Variants in MID2 observed in about 807,000 individuals in gnomAD.
MID2 encodes midline 2, also known as probable E3 ubiquitin-protein ligase MID2.
MID2 carries 13 observed loss-of-function variants against 46.1 expected under a neutral mutation model. The observed-to-expected ratio is 0.28, with a 90% CI of 0.18 to 0.45. The LOEUF (loss-of-function observed/expected upper bound fraction) is 0.45, where lower values mean the gene tolerates loss of function less well. Among genes scored for constraint, MID2 ranks in the 20% least tolerant of loss-of-function variants. The probability of loss-of-function intolerance (pLI) is 1.00; values close to 1 mark genes in which losing one functional copy is unlikely to be tolerated. For missense variants in MID2, 431 were observed against 575.4 expected (o/e 0.75, Z 2.57); for synonymous variants, 199 against 212.3 (o/e 0.94, Z 0.55).
At chrX:107,903,000 T>G (rs1237215154) in intron 3 of MID2, among the ~76,000 whole-genome samples, 3 of 111,833 alleles carry the variant, frequency 2.7e-5, no homozygotes, top group African/African-American at 6.5e-5. Context: ...TTTTACCACT[T>G]ACTAGTTGTG....
intron 2 of MID2, among the ~76,000 whole-genome samples, chrX:107,850,189 GACACACAC>G (rs201492124): frequency 9.8e-6 from 1 of 102,139 alleles, no homozygotes. Context: ...CACACACACA[GACACACAC>G]ACACACACAC....
chrX:107,909,150 G>A (rs1932862587), intron 5 of MID2, among the ~76,000 whole-genome samples: 1 of 111,785 alleles, frequency 8.9e-6, no homozygotes, highest in South Asian at 3.7e-4. Context: ...ACACAGTTAA[G>A]TTACTTGAAA....
At position 107,924,490 on chromosome X, in the gene MID2, G is replaced by C; in HGVS notation, c.1583G>C (p.Arg528Pro). ...GGCAGCCGGAACAGTGAACCTACCC[G>C]ACTAAAAACAAACAGTACGTTGTGG... ...QAGSRNSEPTRLKTNSQPFKL... is the reference protein window; with the variant it reads ...QAGSRNSEPTPLKTNSQPFKL... The change falls in exon 8 of 10, where the codon CGA becomes CCA. Residue 528 changes from arginine (R) to proline (P), a missense_variant. Coordinates refer to ENST00000262843, the MANE Select transcript of MID2 (RefSeq NM_012216.4). 8.3e-7 allele frequency: 1 copy of C among 1,211,100 alleles called. No individual in the cohort carries two copies. The highest frequency in any genetic ancestry group is 1.1e-6 in the Non-Finnish European group (1 of 895,048).
chrX:107,909,168 G>A (rs1010149402), intron 5 of MID2, among the ~76,000 whole-genome samples: 13 of 111,606 alleles, frequency 1.2e-4, no homozygotes, highest in African/African-American at 4.2e-4. Flanking sequence ...AAAACAGCTT[G>A]ATCCTTTCAA....
At chrX:107,873,590 C>T (rs1932124933) in intron 3 of MID2, among the ~76,000 whole-genome samples, 1 of 111,912 alleles carries the variant, frequency 8.9e-6, no homozygotes, top group African/African-American at 3.2e-5. Flanking sequence ...AGAGATTGCC[C>T]ATTCTATTTC....
At chrX:107,872,653 C>T (rs1364996599) in intron 3 of MID2, among the ~76,000 whole-genome samples, 1 of 111,671 alleles carries the variant, frequency 9.0e-6, no homozygotes, top group Non-Finnish European at 1.9e-5. Context: ...AGTATAATCC[C>T]TCCCAATCTG....
intron 3 of MID2, among the ~76,000 whole-genome samples, chrX:107,899,171 C>T (rs1264896831): frequency 2.7e-4 from 21 of 78,953 alleles, no homozygotes; most frequent in African/African-American, 6.9e-4. Flanking sequence ...ATCTCCCCTG[C>T]CCCCTCCCCC....
chrX:107,853,613 G>A (rs1343644880), intron 2 of MID2, among the ~76,000 whole-genome samples: 1 of 111,392 alleles, frequency 9.0e-6, no homozygotes, highest in African/African-American at 3.3e-5. Flanking sequence ...GTCCTCTCTT[G>A]ATACAGTCAG....
At chrX:107,836,407 C>G (rs573096221) in intron 1 of MID2, among the ~76,000 whole-genome samples, 3 of 111,317 alleles carry the variant, frequency 2.7e-5, no homozygotes, top group South Asian at 3.8e-4. Context: ...GCATGCGCCA[C>G]TACGCCTGCT....
At chrX:107,923,811 C>A (rs1933117345) in intron 7 of MID2, among the ~76,000 whole-genome samples, 1 of 111,960 alleles carries the variant, frequency 8.9e-6, no homozygotes, top group African/African-American at 3.2e-5. Flanking sequence ...GGGTTCTATT[C>A]TCAGCACCAT....
intron 3 of MID2, among the ~76,000 whole-genome samples, chrX:107,893,061 T>C (rs1355304691): frequency 5.3e-5 from 6 of 112,863 alleles, no homozygotes; most frequent in Non-Finnish European, 1.1e-4. Flanking sequence ...CTGTAATGTA[T>C]CCACATAAAT....
chrX:107,863,271 A>G (rs1263366482), intron 3 of MID2, among the ~76,000 whole-genome samples: 1 of 112,359 alleles, frequency 8.9e-6, no homozygotes, highest in African/African-American at 3.2e-5. Context: ...GTATTAACAC[A>G]TGACAGGGTT....
At chrX:107,845,525 A>ACTCTCTCTCTCTCTCTCTCTCTCT (rs766707051) in intron 2 of MID2, among the ~76,000 whole-genome samples, 3 of 72,944 alleles carry the variant, frequency 4.1e-5, no homozygotes, top group African/African-American at 2.3e-4. Flanking sequence ...ACACACACAC[A>ACTCTCTCTCTCTCTCTCTCTCTCT]CTCTCTCTCT....
intron 3 of MID2, among the ~76,000 whole-genome samples, chrX:107,897,353 G>C (rs988274684): frequency 1.8e-5 from 2 of 111,507 alleles, no homozygotes; most frequent in African/African-American, 6.5e-5. Context: ...CTATGTCTCA[G>C]TATTTTTTTT....
chrX:107,831,152 C>G (rs760640046), intron 1 of MID2, among the ~76,000 whole-genome samples: 53 of 111,513 alleles, frequency 4.8e-4, no homozygotes, highest in African/African-American at 1.6e-3. Context: ...CTCTAGGATG[C>G]TGGTTCAGCC....
intron 3 of MID2, among the ~76,000 whole-genome samples, chrX:107,869,120 TTAATG>T (rs1376080008): frequency 9.0e-6 from 1 of 111,380 alleles, no homozygotes; most frequent in African/African-American, 3.3e-5. Context: ...TTTTAAGTCT[TTAATG>T]TACCTGGAAT....
intron 3 of MID2, among the ~76,000 whole-genome samples, chrX:107,857,469 C>T (rs771881487): frequency 6.3e-5 from 7 of 111,579 alleles, no homozygotes; most frequent in Admixed American, 9.5e-5. Context: ...TTAGTAGAGA[C>T]GCGGTTTCAC....
In MID2 at chrX:107,926,152, T is replaced by C. The variant is rs150716868; in HGVS notation, c.1656T>C (p.Asp552=). Residue 552 remains aspartate, a synonymous_variant, in exon 9 of 10, where the codon GAT becomes GAC. Coordinates refer to ENST00000262843, the MANE Select transcript of MID2 (RefSeq NM_012216.4). Reference sequence around the variant, plus strand: ...ACAAGAAGTTGAAGATCTCCAATGATGGATTGCAGATGGAGAAGGATGAAA... The same window carrying C: ...ACAAGAAGTTGAAGATCTCCAATGACGGATTGCAGATGGAGAAGGATGAAA... The part of the protein sequence containing the change: ...MTHKKLKISN[D]GLQMEKDESS... 1.3e-4 allele frequency: 153 copies of C among 1,204,998 alleles called. No homozygotes were observed. In the African/African-American group the frequency reaches 2.2e-3, roughly 17 times the overall value.
Position 107,873,240 on chromosome X carries a change from C to T in MID2, c.816+18536C>T, listed in dbSNP as rs1303893859. Among the ~76,000 whole-genome samples, 4 of 112,113 alleles carry T rather than the reference C, an allele frequency of 3.6e-5. No individual in the cohort carries two copies. The South Asian group carries it at 1.5e-3, about 42-fold the overall frequency. Reference sequence around the variant, plus strand: ...CTACTTAGTTAGTGAAGGTATCTATCCACACTAGGAGATACTGGATGCCTC... The same window carrying T: ...CTACTTAGTTAGTGAAGGTATCTATTCACACTAGGAGATACTGGATGCCTC... On this transcript the variant is annotated intron_variant, in intron 3 of 9. Transcript: ENST00000262843.
Sources: allele counts gnomAD v4.1 joint callset (sites outside exome capture counted in the v4.1 genomes callset), GRCh38; gene constraint gnomAD v4.1.1; transcripts MANE v1.5; gene names NCBI Gene and HGNC (gene_info 2026-07-23, HGNC 2026-07-21).